Variants in GPHN observed in about 807,000 individuals in gnomAD.
GPHN encodes gephyrin.
In GPHN, 17 loss-of-function variants were observed where a neutral mutation model predicts 95.5. The ratio of observed to expected loss-of-function variants is 0.18; its 90% CI spans 0.12 to 0.27. The LOEUF (loss-of-function observed/expected upper bound fraction) is 0.27. Among genes scored for constraint, GPHN ranks in the 10% least tolerant of loss-of-function variants. GPHN has a pLI of 1.00. For missense variants in GPHN, 660 were observed against 978.1 expected, an observed-to-expected ratio of 0.67 and a Z score of 4.34; for synonymous variants, 320 against 322.5, an observed-to-expected ratio of 0.99 and a Z score of 0.08.
chr14:67,619,668 C>T, the GPHN span: 3 of 261,162 alleles, frequency 1.1e-5, no homozygotes, highest in Non-Finnish European at 1.5e-5. Flanking sequence ...CGCGCTCTTA[C>T]TGGCCAGACC....
chr14:67,295,049 G>A, the GPHN span: 1 of 152,096 alleles, frequency 6.6e-6, no homozygotes, highest in Non-Finnish European at 1.5e-5. Flanking sequence ...ACCTTTAAGA[G>A]AGTAAAAATG....
intron 9 of GPHN, among the ~76,000 whole-genome samples, chr14:67,015,812 A>G (rs2073275699): frequency 6.6e-6 from 1 of 152,118 alleles, no homozygotes; most frequent in Admixed American, 6.6e-5. Flanking sequence ...GTCTGTTTTT[A>G]TGTGTGTATG....
the GPHN span, among the ~76,000 whole-genome samples, chr14:67,668,669 G>C: frequency 6.0e-5 from 9 of 149,298 alleles, no homozygotes; most frequent in African/African-American, 2.2e-4. Flanking sequence ...GTGAAAAAAA[G>C]ACAACATTGA....
intron 11 of GPHN, among the ~76,000 whole-genome samples, chr14:67,072,754 C>T (rs976133197): frequency 6.6e-6 from 1 of 151,410 alleles, no homozygotes; most frequent in Non-Finnish European, 1.5e-5. Context: ...CTATAAACTC[C>T]TCTTCTGCAG....
intron 18 of GPHN, among the ~76,000 whole-genome samples, chr14:67,158,846 T>C (rs1201032115): frequency 6.6e-6 from 1 of 152,192 alleles, no homozygotes; most frequent in Non-Finnish European, 1.5e-5. Flanking sequence ...TCCTTTCCTG[T>C]TTTTCATTTT....
chr14:66,788,038 A>G (rs1252648648), intron 3 of GPHN, among the ~76,000 whole-genome samples: 1 of 152,210 alleles, frequency 6.6e-6, no homozygotes, highest in Non-Finnish European at 1.5e-5. Flanking sequence ...GAATGAAAAC[A>G]AAAACTGCAG....
intron 14 of GPHN, among the ~76,000 whole-genome samples, chr14:67,111,161 T>A (rs2078347430): frequency 6.6e-6 from 1 of 152,236 alleles, no homozygotes; most frequent in Non-Finnish European, 1.5e-5. Context: ...TAATCACCTT[T>A]CCATATGTAA....
the GPHN span, among the ~76,000 whole-genome samples, chr14:67,357,281 CT>C: frequency 6.6e-6 from 1 of 152,216 alleles, no homozygotes; most frequent in Non-Finnish European, 1.5e-5. Context: ...GCTTTTAAAA[CT>C]TGCTCCTTTA....
At chr14:67,196,223 C>CTTTTTTTTTTTTTTTTTTTTTTTT in the GPHN span, among the ~76,000 whole-genome samples, 1 of 143,116 alleles carries the variant, frequency 7.0e-6, no homozygotes, top group African/African-American at 2.6e-5. Context: ...TTCTTTCTTT[C>CTTTTTTTTTTTTTTTTTTTTTTTT]TTTTTTTTTT....
intron 3 of GPHN, among the ~76,000 whole-genome samples, chr14:66,817,857 G>A (rs915462052): frequency 6.6e-6 from 1 of 152,082 alleles, no homozygotes; most frequent in Non-Finnish European, 1.5e-5. Context: ...CTTCAGAACA[G>A]CCATACCATG....
the GPHN span, among the ~76,000 whole-genome samples, chr14:67,193,571 A>G: frequency 2.3e-4 from 34 of 145,128 alleles, no homozygotes; most frequent in Non-Finnish European, 4.2e-4. Context: ...ATATCTATAT[A>G]GATCTATATA....
chr14:67,133,222 A>G (rs2079837599), intron 17 of GPHN, among the ~76,000 whole-genome samples: 1 of 152,138 alleles, frequency 6.6e-6, no homozygotes, highest in Non-Finnish European at 1.5e-5. Flanking sequence ...TTACCTTGGT[A>G]TGATTAACTG....
At chr14:67,023,541 C>A in intron 9 of GPHN, 92 bp from the exon 10 acceptor site, 1 of 890,370 alleles carries the variant, frequency 1.1e-6, no homozygotes, top group Non-Finnish European at 1.9e-6. Context: ...AAAGCCTTTG[C>A]TCCTAGACCT....
At chr14:66,616,576 A>G (rs1359594947) in intron 1 of GPHN, among the ~76,000 whole-genome samples, 5 of 152,086 alleles carry the variant, frequency 3.3e-5, no homozygotes, top group Non-Finnish European at 7.4e-5. Flanking sequence ...AACAGCAAAG[A>G]TGGGTGCCTG....
At chr14:67,580,700 A>C in the GPHN span, among the ~76,000 whole-genome samples, 1 of 152,214 alleles carries the variant, frequency 6.6e-6, no homozygotes, top group Non-Finnish European at 1.5e-5. Flanking sequence ...AGCTGGTGAC[A>C]CCAGCAGGGC....
chr14:66,995,943 C>T (rs1305632385), intron 9 of GPHN, among the ~76,000 whole-genome samples: 1 of 150,620 alleles, frequency 6.6e-6, no homozygotes, highest in Non-Finnish European at 1.5e-5. Flanking sequence ...AGATTCTGAA[C>T]AGAGGGAGTC....
the GPHN span, chr14:67,573,672 T>C: frequency 0.22 from 157,605 of 724,810 alleles, 20,443 homozygotes; most frequent in Non-Finnish European, 0.29. The surrounding 1 kb of genome is among the most constrained non-coding windows in gnomAD (Gnocchi z 4.8). Flanking sequence ...TCACCCATCA[T>C]AACACAGCCA....
chr14:67,072,957 A>G (rs572206038), intron 11 of GPHN, among the ~76,000 whole-genome samples: 2 of 152,264 alleles, frequency 1.3e-5, no homozygotes, highest in Admixed American at 6.5e-5. Context: ...AGTCAGTATC[A>G]TAGTTGGCAT....
the GPHN span, chr14:67,225,165 C>G: frequency 1.9e-6 from 3 of 1,583,754 alleles, no homozygotes; most frequent in Non-Finnish European, 2.6e-6. Flanking sequence ...CAAACTTGTG[C>G]CTCATCTGTC....
Sources: gnomAD v4.1 joint callset for allele counts (sites outside exome capture counted in the v4.1 genomes callset) on GRCh38, gnomAD v4.1.1 for gene constraint, Gnocchi (gnomAD v3.1) non-coding constraint, MANE v1.5 for transcripts, NCBI Gene and HGNC (gene_info 2026-07-23, HGNC 2026-07-21) for gene names.